SLC24A3: variants seen among roughly 807,000 people sequenced by gnomAD.
SLC24A3 encodes the protein solute carrier family 24 member 3.
Under a neutral mutation model 75.8 loss-of-function variants are expected in SLC24A3, and 28 were observed. That is an observed-to-expected ratio of 0.37 (90% CI 0.27 to 0.51). The LOEUF is 0.51. SLC24A3 is among the 20% of genes least tolerant of loss of function. The pLI is 0.94. For synonymous variants in SLC24A3, 372 were observed against 334.1 expected (o/e 1.11, Z -1.24); for missense variants, 663 against 847.8 (o/e 0.78, Z 2.71).
At chr20:19,372,224 A>G (rs941109024) in intron 2 of SLC24A3, among the ~76,000 whole-genome samples, 1 of 152,180 alleles carries the variant, frequency 6.6e-6, no homozygotes, top group Non-Finnish European at 1.5e-5. Context: ...AGAATTCCTC[A>G]TGTGCTATAT....
chr20:19,336,891 C>G (rs1159689933), intron 2 of SLC24A3, among the ~76,000 whole-genome samples: 1 of 151,994 alleles, frequency 6.6e-6, no homozygotes, highest in East Asian at 1.9e-4. Flanking sequence ...TGCTATGTGG[C>G]CATGATGGAA....
intron 2 of SLC24A3, among the ~76,000 whole-genome samples, chr20:19,397,638 TTTTC>T (rs796174341): frequency 0.013 from 1,520 of 115,212 alleles, 20 homozygotes; most frequent in African/African-American, 0.051. Context: ...TGTGCTTTTT[TTTTC>T]TTTTCTTTTT....
intron 2 of SLC24A3, among the ~76,000 whole-genome samples, chr20:19,335,524 A>G (rs993163682): frequency 1.3e-5 from 2 of 152,140 alleles, no homozygotes; most frequent in African/African-American, 4.8e-5. Context: ...CAAGTGCTTG[A>G]CTTAGCCCAG....
intron 1 of SLC24A3, among the ~76,000 whole-genome samples, chr20:19,225,169 G>A (rs1016914856): frequency 2.4e-4 from 37 of 152,084 alleles, no homozygotes; most frequent in Non-Finnish European, 4.7e-4. Context: ...ATTTTGTTAG[G>A]GGTCTTTGAG....
chr20:19,715,584 A>G (rs2033036698), intron 15 of SLC24A3, among the ~76,000 whole-genome samples: 1 of 152,180 alleles, frequency 6.6e-6, no homozygotes, highest in South Asian at 2.1e-4. Flanking sequence ...GGACATCATT[A>G]AGTCACATCT....
intron 2 of SLC24A3, among the ~76,000 whole-genome samples, chr20:19,338,183 G>C (rs376836423): frequency 6.6e-6 from 1 of 152,150 alleles, no homozygotes. Flanking sequence ...TTTTCATTAG[G>C]AAGTTTCGCA....
intron 2 of SLC24A3, among the ~76,000 whole-genome samples, chr20:19,295,692 G>C (rs1184961779): frequency 6.6e-6 from 1 of 152,178 alleles, no homozygotes; most frequent in Non-Finnish European, 1.5e-5. Flanking sequence ...CCTTGCATCA[G>C]GGATGAAGCT....
At chr20:19,631,787 TGA>T (rs1232928489) in intron 6 of SLC24A3, among the ~76,000 whole-genome samples, 202 of 124,316 alleles carry the variant, frequency 1.6e-3, no homozygotes, top group African/African-American at 5.7e-3. Context: ...TGTGTATGAG[TGA>T]GAGTGTGTGT....
chr20:19,274,832 G>A lies in SLC24A3; in HGVS notation c.143-6127G>A, dbSNP rs116878520. Among the ~76,000 whole-genome samples, 182 of 152,294 alleles carry A rather than the reference G, an allele frequency of 1.2e-3. 2 individuals are homozygous for A. The highest frequency in any genetic ancestry group is 0.01 in the East Asian group (52 of 5,170). ...ATGCAAACCTGACCTCCAACCCCAG[G>A]GTGAAGACCCGGGTTGTACAGAGTG... On this transcript the variant is annotated intron_variant, in intron 1 of 16. Coordinates refer to ENST00000328041, the MANE Select transcript of SLC24A3 (RefSeq NM_020689.4).
At chr20:19,451,083 A>G (rs765170045) in intron 2 of SLC24A3, among the ~76,000 whole-genome samples, 11 of 152,314 alleles carry the variant, frequency 7.2e-5, no homozygotes, top group African/African-American at 1.4e-4. Flanking sequence ...TGCTGAGTAC[A>G]TGGTTGTGTT....
At chr20:19,523,729 C>T (rs1451604458) in intron 3 of SLC24A3, among the ~76,000 whole-genome samples, 1 of 152,196 alleles carries the variant, frequency 6.6e-6, no homozygotes, top group African/African-American at 2.4e-5. Flanking sequence ...GCCTCAGTTT[C>T]CTCATCTGTC....
At chr20:19,239,946 C>G (rs1188108247) in intron 1 of SLC24A3, among the ~76,000 whole-genome samples, 1 of 152,114 alleles carries the variant, frequency 6.6e-6, no homozygotes, top group African/African-American at 2.4e-5. Context: ...GGGAGAAGCA[C>G]AATCTGCGGT....
intron 2 of SLC24A3, among the ~76,000 whole-genome samples, chr20:19,311,200 G>A (rs562166390): frequency 5.9e-5 from 9 of 152,122 alleles, no homozygotes; most frequent in East Asian, 3.9e-4. Flanking sequence ...TCAGATTTGC[G>A]AGGAATTTGG....
At chr20:19,226,043 A>G (rs575700871) in intron 1 of SLC24A3, among the ~76,000 whole-genome samples, 1 of 152,174 alleles carries the variant, frequency 6.6e-6, no homozygotes, top group South Asian at 2.1e-4. Context: ...TAAGTATGCT[A>G]TTTGCTGTAG....
intron 6 of SLC24A3, among the ~76,000 whole-genome samples, chr20:19,595,562 G>A (rs1832399544): frequency 6.6e-6 from 1 of 152,156 alleles, no homozygotes; most frequent in African/African-American, 2.4e-5. Context: ...CACAAACTCT[G>A]GGTAGCATTT....
chr20:19,499,672 G>T (rs1225776151), intron 2 of SLC24A3, among the ~76,000 whole-genome samples: 4 of 152,108 alleles, frequency 2.6e-5, no homozygotes, highest in Admixed American at 2.6e-4. Context: ...ATCGCACTGG[G>T]GATTAGGATT....
chr20:19,345,244 A>G (rs1446044054), intron 2 of SLC24A3, among the ~76,000 whole-genome samples: 1 of 152,232 alleles, frequency 6.6e-6, no homozygotes, highest in Non-Finnish European at 1.5e-5. Flanking sequence ...AAAAACTGCC[A>G]AACTCTGATG....
At position 19,289,853 on chromosome 20, in the gene SLC24A3, C is replaced by T. The variant is rs143595270; in HGVS notation, c.271+8766C>T. Among the ~76,000 whole-genome samples the T allele has an allele frequency of 4.2e-3, 647 of 152,250 alleles. 2 individuals are homozygous for T. The highest frequency in any genetic ancestry group is 0.017 in the South Asian group (81 of 4,810). ...AGATAATCTTATTTTGCAGATGAAG[C>T]TTCAGGTTTAGAGACATGAGGGGCA... On this transcript the variant is annotated intron_variant, in intron 2 of 16. Coordinates refer to ENST00000328041, the MANE Select transcript of SLC24A3 (RefSeq NM_020689.4).
chr20:19,450,225 G>T (rs1324883392), intron 2 of SLC24A3, among the ~76,000 whole-genome samples: 1 of 152,206 alleles, frequency 6.6e-6, no homozygotes, highest in African/African-American at 2.4e-5. Flanking sequence ...CCTCTCCACA[G>T]ACAGTAAACT....
Sources: allele counts gnomAD v4.1 joint callset (sites outside exome capture counted in the v4.1 genomes callset), GRCh38; gene constraint gnomAD v4.1.1; transcripts MANE v1.5; gene names NCBI Gene and HGNC (gene_info 2026-07-23, HGNC 2026-07-21).